The following SNX29 variants were observed in gnomAD, a reference collection of about 807,000 sequenced individuals.
SNX29 encodes sorting nexin 29, also known as sorting nexin-29.
SNX29 carries 78 observed loss-of-function variants against 102.1 expected under a neutral mutation model. The ratio of observed to expected loss-of-function variants is 0.76; its 90% CI spans 0.64 to 0.92. The LOEUF is 0.92. Among genes scored for constraint, SNX29 ranks in the 40% least tolerant of loss-of-function variants. SNX29 has a pLI of 0.00. For missense variants in SNX29, 1,280 were observed against 1,061.7 expected (o/e 1.21, Z -2.86); for synonymous variants, 580 against 414.5 (o/e 1.40, Z -4.85).
At chr16:12,539,021 T>C (rs2077204250) in intron 20 of SNX29, among the ~76,000 whole-genome samples, 1 of 152,166 alleles carries the variant, frequency 6.6e-6, no homozygotes, top group African/African-American at 2.4e-5. Context: ...AAACCATCCA[T>C]GAATCCAGAA....
At chr16:12,240,106 G>A (rs1479648373) in intron 14 of SNX29, among the ~76,000 whole-genome samples, 1 of 152,172 alleles carries the variant, frequency 6.6e-6, no homozygotes, top group Admixed American at 6.5e-5. Context: ...GGCCTTAACG[G>A]CCGCATGATG....
At chr16:12,270,675 T>G (rs2079063885) in intron 14 of SNX29, among the ~76,000 whole-genome samples, 1 of 151,828 alleles carries the variant, frequency 6.6e-6, no homozygotes, top group Admixed American at 6.6e-5. Flanking sequence ...TATTTTTATT[T>G]TTTTGTGCAT....
At chr16:12,461,972 AAAAAAAATATATATATATAT>A (rs1185292365) in intron 18 of SNX29, among the ~76,000 whole-genome samples, 6 of 64,148 alleles carry the variant, frequency 9.4e-5, no homozygotes, top group African/African-American at 4.2e-4. Context: ...AAAAAAAAAA[AAAAAAAATATATATATATAT>A]ATATATATAT....
intron 14 of SNX29, among the ~76,000 whole-genome samples, chr16:12,250,184 C>CT (rs1324977204): frequency 1.3e-5 from 2 of 152,192 alleles, no homozygotes; most frequent in African/African-American, 4.8e-5. Flanking sequence ...GGTGGAGGAG[C>CT]ATGTGCAAAG....
chr16:12,102,739 G>C (rs779667147), intron 11 of SNX29, among the ~76,000 whole-genome samples: 1 of 150,440 alleles, frequency 6.6e-6, no homozygotes, highest in Non-Finnish European at 1.5e-5. Flanking sequence ...AGAAATAAAG[G>C]GTATTCAGAT....
At chr16:12,420,801 G>T (rs562102863) in intron 18 of SNX29, among the ~76,000 whole-genome samples, 2 of 152,282 alleles carry the variant, frequency 1.3e-5, no homozygotes, top group South Asian at 4.1e-4. Context: ...CCAAGCTCAT[G>T]CTTCAGGGTG....
At chr16:12,109,370 C>A (rs1202052169) in intron 11 of SNX29, among the ~76,000 whole-genome samples, 1 of 151,946 alleles carries the variant, frequency 6.6e-6, no homozygotes, top group East Asian at 1.9e-4. Context: ...CCCGTGGTAC[C>A]CCATGCATCC....
intron 13 of SNX29, among the ~76,000 whole-genome samples, chr16:12,143,300 C>T (rs1269747331): frequency 6.6e-6 from 1 of 152,094 alleles, no homozygotes; most frequent in Non-Finnish European, 1.5e-5. Context: ...CCTGGCCGGC[C>T]ACAAGCAAAG....
intron 14 of SNX29, among the ~76,000 whole-genome samples, chr16:12,244,384 A>G (rs545428728): frequency 9.8e-5 from 15 of 152,318 alleles, no homozygotes; most frequent in African/African-American, 3.6e-4. Context: ...TGAGATGGGA[A>G]GATCACTTGC....
intron 15 of SNX29, among the ~76,000 whole-genome samples, chr16:12,301,916 C>T (rs576616394): frequency 1.3e-5 from 2 of 152,328 alleles, no homozygotes; most frequent in Admixed American, 6.5e-5. Context: ...TCCTCCTTAC[C>T]TAACATTGCG....
intron 20 of SNX29, among the ~76,000 whole-genome samples, chr16:12,533,855 G>C (rs1415979402): frequency 6.6e-6 from 1 of 152,204 alleles, no homozygotes; most frequent in Non-Finnish European, 1.5e-5. Flanking sequence ...ATATAGGACT[G>C]CAGCTAGCTG....
intron 8 of SNX29, among the ~76,000 whole-genome samples, chr16:12,058,175 A>T (rs1195743818): frequency 6.6e-6 from 1 of 152,164 alleles, no homozygotes; most frequent in Non-Finnish European, 1.5e-5. Flanking sequence ...ATTTTGCTTC[A>T]TTACAACTGT....
intron 14 of SNX29, among the ~76,000 whole-genome samples, chr16:12,247,503 G>C (rs1476386579): frequency 6.6e-6 from 1 of 152,166 alleles, no homozygotes; most frequent in Non-Finnish European, 1.5e-5. Flanking sequence ...AAATGAGTGA[G>C]TGACTGCAGT....
intron 20 of SNX29, among the ~76,000 whole-genome samples, chr16:12,540,310 C>T (rs760320352): frequency 2.0e-5 from 3 of 152,190 alleles, no homozygotes; most frequent in African/African-American, 7.2e-5. Flanking sequence ...TGGCCCCACC[C>T]TCTTGGGACC....
chr16:12,262,881 C>T (rs564056326), intron 14 of SNX29, among the ~76,000 whole-genome samples: 3 of 152,308 alleles, frequency 2.0e-5, no homozygotes, highest in South Asian at 4.1e-4. Context: ...TTGATGAGAT[C>T]CTGTTCCTAT....
chr16:12,158,360 C>G (rs906021619), intron 13 of SNX29, among the ~76,000 whole-genome samples: 1 of 152,042 alleles, frequency 6.6e-6, no homozygotes, highest in East Asian at 1.9e-4. Context: ...CCACCACACC[C>G]GGCTAATTTT....
chr16:12,138,296 T>G (rs1045801419), intron 13 of SNX29, among the ~76,000 whole-genome samples: 1 of 149,658 alleles, frequency 6.7e-6, no homozygotes, highest in Non-Finnish European at 1.5e-5. Flanking sequence ...CAACCTCCGC[T>G]TCCCAGGTTC....
In SNX29 at chr16:12,573,087, A is replaced by T. The variant is rs937029375; in HGVS notation, c.*4458A>T. On this transcript the variant is annotated 3_prime_UTR_variant, in exon 21 of 21. Transcript: ENST00000566228. ...TATTTTATCTCATTTCTGTGCCAAG[A>T]AAGTTCATCTTTATGTTTTTCTAAT... is the stretch of plus-strand genomic sequence containing the variant. 1.3e-5 allele frequency: 3 copies of T among 230,690 alleles called. No individual in the cohort carries two copies. The highest frequency in any genetic ancestry group is 2.6e-5 in the Non-Finnish European group (3 of 117,056). 14.3% of individuals were successfully genotyped at this position (230,690 alleles called of 1,614,324 possible).
At chr16:12,556,819 C>T (rs892604545) in intron 20 of SNX29, among the ~76,000 whole-genome samples, 1 of 151,956 alleles carries the variant, frequency 6.6e-6, no homozygotes, top group Non-Finnish European at 1.5e-5. Flanking sequence ...GTACAGAAGC[C>T]CAGAGGAGGA....
Sources: allele counts gnomAD v4.1 joint callset (sites outside exome capture counted in the v4.1 genomes callset), GRCh38; gene constraint gnomAD v4.1.1; transcripts MANE v1.5; gene names NCBI Gene and HGNC (gene_info 2026-07-23, HGNC 2026-07-21).